Variants in SYT16 observed in about 807,000 individuals in gnomAD.
The protein encoded by SYT16 is synaptotagmin-16.
A neutral mutation model predicts 61.4 loss-of-function variants in SYT16; 42 were observed. The observed-to-expected ratio is 0.68, with a 90% CI of 0.53 to 0.89. The LOEUF is 0.89. SYT16 is among the 40% of genes least tolerant of loss of function. The pLI is 0.00. For synonymous variants in SYT16, 314 were observed against 302.3 expected (o/e 1.04, Z -0.40); for missense variants, 804 against 807.3 (o/e 1.00, Z 0.05).
Position 61,970,146 on chromosome 14 carries a change from A to G in SYT16, c.-310A>G, listed in dbSNP as rs188091452. On this transcript the variant is annotated 5_prime_UTR_variant, in exon 2 of 8. Transcript: ENST00000683842. ...TCTCTCACCAGTCACTCCTGAAGCCATTGGCTTCTTGTCTGCTGTTGGGGT... is the reference window on the plus strand; with the variant it reads ...TCTCTCACCAGTCACTCCTGAAGCCGTTGGCTTCTTGTCTGCTGTTGGGGT... 12 of 152,284 alleles carry G rather than the reference A, an allele frequency of 7.9e-5. No individual in the cohort carries two copies. Among genetic ancestry groups the G allele is most frequent in the Admixed American group, 3.3e-4 (5 of 15,288 alleles). The allele number at this position is 152,284 out of a possible 1,614,324, so 9.4% of individuals were successfully genotyped here.
intron 1 of SYT16, among the ~76,000 whole-genome samples, chr14:61,817,679 A>G (rs1373571559): frequency 3.3e-5 from 5 of 152,166 alleles, no homozygotes; most frequent in Non-Finnish European, 7.3e-5. Context: ...ATCCTAGATG[A>G]GGGAAAAAAT....
At chr14:61,907,193 G>A (rs528465272) in intron 1 of SYT16, among the ~76,000 whole-genome samples, 1 of 152,278 alleles carries the variant, frequency 6.6e-6, no homozygotes, top group Admixed American at 6.5e-5. Flanking sequence ...CATCATGAAA[G>A]TGGCTTTTAA....
intron 1 of SYT16, among the ~76,000 whole-genome samples, chr14:61,941,360 C>G (rs1332964670): frequency 6.6e-6 from 1 of 151,996 alleles, no homozygotes; most frequent in Non-Finnish European, 1.5e-5. Flanking sequence ...AGTAATAATT[C>G]AGATCTACAA....
intron 1 of SYT16, among the ~76,000 whole-genome samples, chr14:61,906,666 T>C (rs2048722253): frequency 6.6e-6 from 1 of 152,164 alleles, no homozygotes; most frequent in Non-Finnish European, 1.5e-5. Flanking sequence ...TAAAATGATA[T>C]AAATGAACAG....
chr14:61,878,906 A>G (rs1467037810), intron 1 of SYT16, among the ~76,000 whole-genome samples: 1 of 152,194 alleles, frequency 6.6e-6, no homozygotes, highest in African/African-American at 2.4e-5. Context: ...AGGCGCTATT[A>G]GGGGATTTAT....
intron 3 of SYT16, among the ~76,000 whole-genome samples, chr14:62,016,709 T>C (rs988201833): frequency 5.9e-5 from 9 of 152,006 alleles, no homozygotes; most frequent in Non-Finnish European, 1.3e-4. Context: ...CTAGACTCTG[T>C]CTCAAAAAAG....
At chr14:61,874,946 G>A (rs1051332722) in intron 1 of SYT16, among the ~76,000 whole-genome samples, 1 of 152,118 alleles carries the variant, frequency 6.6e-6, no homozygotes, top group Admixed American at 6.5e-5. Context: ...AAAACACACT[G>A]AATTTTTTCT....
chr14:62,064,350 A>G (rs962115752), intron 3 of SYT16, among the ~76,000 whole-genome samples: 7 of 150,548 alleles, frequency 4.6e-5, no homozygotes, highest in African/African-American at 1.7e-4. Flanking sequence ...AAAAAAAAAA[A>G]AAAAAAAAGA....
chr14:61,813,759 A>C (rs962669898), intron 1 of SYT16, among the ~76,000 whole-genome samples: 4 of 150,454 alleles, frequency 2.7e-5, no homozygotes, highest in Non-Finnish European at 4.4e-5. Flanking sequence ...GAGGAAAAAA[A>C]CAAAAATCAA....
chr14:61,868,781 T>G (rs988938228), intron 1 of SYT16, among the ~76,000 whole-genome samples: 1 of 152,084 alleles, frequency 6.6e-6, no homozygotes, highest in African/African-American at 2.4e-5. Flanking sequence ...TTGGTTGTTC[T>G]ATAAATGCTG....
chr14:62,048,158 G>C (rs1290602013), intron 3 of SYT16, among the ~76,000 whole-genome samples: 4 of 152,200 alleles, frequency 2.6e-5, no homozygotes, highest in African/African-American at 9.7e-5. Flanking sequence ...TTCAGAATCT[G>C]TTATTGGTCC....
At chr14:61,939,263 C>G (rs971723223) in intron 1 of SYT16, among the ~76,000 whole-genome samples, 1 of 152,166 alleles carries the variant, frequency 6.6e-6, no homozygotes, top group Non-Finnish European at 1.5e-5. Context: ...GATGCATAAT[C>G]CCCCCAAAGC....
At chr14:61,832,583 C>T (rs1195033777) in intron 1 of SYT16, among the ~76,000 whole-genome samples, 9 of 152,022 alleles carry the variant, frequency 5.9e-5, no homozygotes, top group Non-Finnish European at 8.8e-5. Flanking sequence ...ATTGCAGGTA[C>T]CCGCCACCAT....
intron 1 of SYT16, among the ~76,000 whole-genome samples, chr14:61,815,802 C>G (rs1230630452): frequency 6.6e-6 from 1 of 152,136 alleles, no homozygotes. Context: ...ACAAGTATTC[C>G]AGATAATATT....
At chr14:62,034,665 G>A (rs1286632124) in intron 3 of SYT16, among the ~76,000 whole-genome samples, 6 of 151,740 alleles carry the variant, frequency 4.0e-5, no homozygotes, top group Admixed American at 1.3e-4. Flanking sequence ...CATATAGGCA[G>A]GAAGTAGATT....
intron 3 of SYT16, among the ~76,000 whole-genome samples, chr14:62,064,810 G>A (rs1287768605): frequency 6.6e-6 from 1 of 152,226 alleles, no homozygotes; most frequent in South Asian, 2.1e-4. Context: ...TTATTGTGAG[G>A]GGTAAATAAG....
intron 1 of SYT16, among the ~76,000 whole-genome samples, chr14:61,922,707 G>A (rs1158020451): frequency 6.6e-6 from 1 of 152,080 alleles, no homozygotes; most frequent in East Asian, 1.9e-4. Flanking sequence ...AAAAAAAAAT[G>A]GTTTATAAAT....
rs116478289 is a variant in SYT16 at position 62,001,860 on chromosome 14, C to T, written c.523+5318C>T. Among the ~76,000 whole-genome samples, 716 of 152,104 alleles carry T rather than the reference C, an allele frequency of 4.7e-3. 4 individuals are homozygous for T. The highest frequency in any genetic ancestry group is 0.016 in the African/African-American group (679 of 41,534). On this transcript the variant is annotated intron_variant, in intron 3 of 7. Coordinates refer to ENST00000683842, the MANE Select transcript of SYT16 (RefSeq NM_001367656.1). ...TTACTAATATTTTCTTTGACAGCAT[C>T]AAGTCTACGAAAGCCTTTTTTATTT...
intron 1 of SYT16, among the ~76,000 whole-genome samples, chr14:61,847,335 A>T (rs2140264268): frequency 6.6e-6 from 1 of 152,268 alleles, no homozygotes; most frequent in East Asian, 1.9e-4. Context: ...TTCTATGGTA[A>T]AAGTCTTTTT....
Sources: allele counts gnomAD v4.1 joint callset (sites outside exome capture counted in the v4.1 genomes callset), GRCh38; gene constraint gnomAD v4.1.1; transcripts MANE v1.5; gene names NCBI Gene and HGNC (gene_info 2026-07-23, HGNC 2026-07-21).